DPP6: variants seen among roughly 807,000 people sequenced by gnomAD.
DPP6 encodes the protein A-type potassium channel modulatory protein DPP6.
DPP6 carries 69 observed loss-of-function variants against 122.6 expected under a neutral mutation model. The ratio of observed to expected loss-of-function variants is 0.56; its 90% confidence interval spans 0.46 to 0.69. The LOEUF (loss-of-function observed/expected upper bound fraction) is 0.69, where lower values mean the gene tolerates loss of function less well. Ranked by LOEUF, DPP6 falls within the 30% of genes least tolerant of loss-of-function variation. DPP6 has a pLI of 0.00. For synonymous variants in DPP6, 418 were observed against 433.1 expected, an observed-to-expected ratio of 0.97 and a Z score of 0.43; for missense variants, 928 against 1,116.9, an observed-to-expected ratio of 0.83 and a Z score of 2.41.
Position 154,313,714 on chromosome 7 carries a change from TACAC to T in DPP6, c.244-132493_244-132490del, listed in dbSNP as rs1554515600. Among the ~76,000 whole-genome samples the T allele has an allele frequency of 3.8e-3, 68 of 17,694 alleles. 3 individuals are homozygous for T. Among genetic ancestry groups the T allele is most frequent in the African/African-American group, 9.6e-3 (58 of 6,064 alleles). The allele number at this position is 17,694 out of a possible 152,430, so 11.6% of individuals were successfully genotyped here. On this transcript the variant is annotated intron_variant, in intron 1 of 25. Coordinates refer to ENST00000377770, the MANE Select transcript of DPP6 (RefSeq NM_130797.4). ...ATATATATATATATATATATATATA[TACAC>T]ACACACGCACGCACACACACACACA...
At chr7:154,169,316 C>A (rs1447016826) in intron 1 of DPP6, among the ~76,000 whole-genome samples, 1 of 152,090 alleles carries the variant, frequency 6.6e-6, no homozygotes, top group African/African-American at 2.4e-5. Flanking sequence ...TTACTGGGTG[C>A]CATATGGTGG....
At chr7:153,973,968 C>T (rs1796164298) in intron 1 of DPP6, among the ~76,000 whole-genome samples, 1 of 151,764 alleles carries the variant, frequency 6.6e-6, no homozygotes, top group African/African-American at 2.4e-5. Flanking sequence ...CCGATGAACC[C>T]TTAGCCATCC....
At chr7:154,007,028 C>G (rs1183228195) in intron 1 of DPP6, among the ~76,000 whole-genome samples, 6 of 152,340 alleles carry the variant, frequency 3.9e-5, no homozygotes. Context: ...TGGCTGTGTA[C>G]AGAGCCTGGT....
At chr7:154,335,998 T>C (rs1809383098) in intron 1 of DPP6, among the ~76,000 whole-genome samples, 1 of 152,128 alleles carries the variant, frequency 6.6e-6, no homozygotes, top group African/African-American at 2.4e-5. Flanking sequence ...CCCAGATCTC[T>C]TCCCAGGCAG....
chr7:154,401,727 C>T (rs1009289807), intron 1 of DPP6, among the ~76,000 whole-genome samples: 1 of 152,048 alleles, frequency 6.6e-6, no homozygotes, highest in South Asian at 2.1e-4. Context: ...CAATGGCAAC[C>T]AAAGCCAAAA....
chr7:154,847,507 ATTTTG>A (rs1256770634), intron 16 of DPP6, among the ~76,000 whole-genome samples: 1 of 151,704 alleles, frequency 6.6e-6, no homozygotes, highest in Non-Finnish European at 1.5e-5. Context: ...ATATTCTTTT[ATTTTG>A]TTTGGTTTGG....
chr7:154,451,083 G>A (rs188571114), intron 2 of DPP6, among the ~76,000 whole-genome samples: 1 of 152,214 alleles, frequency 6.6e-6, no homozygotes, highest in African/African-American at 2.4e-5. Context: ...GTGGAATAAG[G>A]CCGGTGTGGT....
chr7:153,885,623 C>T (rs1240300252), upstream of DPP6, among the ~76,000 whole-genome samples: 2 of 152,148 alleles, frequency 1.3e-5, no homozygotes, highest in Non-Finnish European at 2.9e-5. Context: ...TTATAACCCA[C>T]GCATTTTACA....
At chr7:154,584,905 C>T (rs1832337371) in intron 5 of DPP6, among the ~76,000 whole-genome samples, 1 of 152,194 alleles carries the variant, frequency 6.6e-6, no homozygotes, top group African/African-American at 2.4e-5. Context: ...CTTTATATAA[C>T]ATATACAATT....
chr7:154,020,531 G>T (rs530646415), intron 1 of DPP6, among the ~76,000 whole-genome samples: 189 of 152,224 alleles, frequency 1.2e-3, no homozygotes, highest in African/African-American at 4.4e-3. Flanking sequence ...CTGATCCAGA[G>T]CTTTTTCTCC....
chr7:154,599,263 G>T (rs562911847), intron 5 of DPP6, among the ~76,000 whole-genome samples: 13 of 152,210 alleles, frequency 8.5e-5, no homozygotes, highest in African/African-American at 3.1e-4. Context: ...GGGACAGATG[G>T]CCCCGCATAG....
Position 154,813,461 on chromosome 7 carries a change from G to A in DPP6, c.1666+6349G>A, listed in dbSNP as rs370641727. On this transcript the variant is annotated intron_variant, in intron 16 of 25. Transcript: ENST00000377770. ...GCACAGTTACATTAAAAATATATTC[G>A]AATACAATATATAAATAGAGGTTCA... Among the ~76,000 whole-genome samples the A allele has an allele frequency of 1.4e-4, 22 of 151,982 alleles. No individual in the cohort carries two copies. The South Asian group carries it at 3.1e-3, about 22-fold the overall frequency.
chr7:154,187,606 T>G (rs1585583553), intron 1 of DPP6, among the ~76,000 whole-genome samples: 1 of 152,294 alleles, frequency 6.6e-6, no homozygotes, highest in East Asian at 1.9e-4. Flanking sequence ...CAACCCAAGT[T>G]TGAATATTTA....
chr7:154,093,190 C>T (rs1409361757), intron 1 of DPP6, among the ~76,000 whole-genome samples: 1 of 150,014 alleles, frequency 6.7e-6, no homozygotes, highest in Non-Finnish European at 1.5e-5. Context: ...ACACCACATG[C>T]CACACAACTT....
intron 17 of DPP6, among the ~76,000 whole-genome samples, chr7:154,858,871 C>T (rs931893479): frequency 6.6e-6 from 1 of 152,194 alleles, no homozygotes; most frequent in African/African-American, 2.4e-5. Context: ...ATCGTAGCAG[C>T]AGTTCTGGGC....
At chr7:153,771,000 T>C in the DPP6 span, among the ~76,000 whole-genome samples, 2 of 152,216 alleles carry the variant, frequency 1.3e-5, no homozygotes, top group Admixed American at 6.5e-5. Context: ...ATAGGCATTA[T>C]TGAAACCCCA....
At chr7:154,469,180 A>G (rs892430515) in intron 2 of DPP6, among the ~76,000 whole-genome samples, 3 of 150,700 alleles carry the variant, frequency 2.0e-5, no homozygotes, top group African/African-American at 7.5e-5. Context: ...AAAAGAAAGC[A>G]TGATCAACTT....
At chr7:154,152,918 G>A (rs1214785116) in intron 1 of DPP6, among the ~76,000 whole-genome samples, 1 of 152,200 alleles carries the variant, frequency 6.6e-6, no homozygotes, top group Non-Finnish European at 1.5e-5. Flanking sequence ...TAAACTCCCT[G>A]TTACGTACAT....
chr7:154,382,892 AT>A (rs1279957346), intron 1 of DPP6, among the ~76,000 whole-genome samples: 8 of 152,068 alleles, frequency 5.3e-5, no homozygotes, highest in Non-Finnish European at 8.8e-5. Flanking sequence ...CGCCCAGCTA[AT>A]TTTTTGTATT....
Sources: gnomAD v4.1 joint callset for allele counts (sites outside exome capture counted in the v4.1 genomes callset) on GRCh38, gnomAD v4.1.1 for gene constraint, MANE v1.5 for transcripts, NCBI Gene and HGNC (gene_info 2026-07-23, HGNC 2026-07-21) for gene names.